The following GRIP1 variants were observed in gnomAD, a reference collection of about 807,000 sequenced individuals.
GRIP1 encodes the protein glutamate receptor interacting protein 1.
Under a neutral mutation model 129.9 loss-of-function variants are expected in GRIP1, and 45 were observed. The ratio of observed to expected loss-of-function variants is 0.35; its 90% confidence interval spans 0.27 to 0.44. The LOEUF (loss-of-function observed/expected upper bound fraction) is 0.44, where lower values mean the gene tolerates loss of function less well. GRIP1 is among the 20% of genes least tolerant of loss of function. The pLI is 1.00. For missense variants in GRIP1, 1,196 were observed against 1,396.8 expected (o/e 0.86, Z 2.29); for synonymous variants, 530 against 520.8 (o/e 1.02, Z -0.24).
chr12:66,533,885 A>ACTCTCTCTCTCT (rs201892079), intron 4 of GRIP1, among the ~76,000 whole-genome samples: 15 of 129,566 alleles, frequency 1.2e-4, no homozygotes, highest in Non-Finnish European at 2.3e-4. Context: ...ACACATACAC[A>ACTCTCTCTCTCT]CACTCTCTCT....
chr12:66,973,608 A>G (rs983656049), intron 1 of GRIP1, among the ~76,000 whole-genome samples: 5 of 152,094 alleles, frequency 3.3e-5, no homozygotes, highest in African/African-American at 9.7e-5. Flanking sequence ...CTCTGCCAGT[A>G]TTTATCCTAT....
chr12:66,770,825 G>C (rs376783432), intron 1 of GRIP1, among the ~76,000 whole-genome samples: 11 of 152,184 alleles, frequency 7.2e-5, no homozygotes, highest in African/African-American at 2.7e-4. Flanking sequence ...GCGGGGTGCA[G>C]TGGCTCATGC....
At chr12:66,448,887 A>G (rs2058701647) in intron 11 of GRIP1, among the ~76,000 whole-genome samples, 7 of 152,148 alleles carry the variant, frequency 4.6e-5, no homozygotes, top group Admixed American at 2.6e-4. Context: ...TGTTTCCTAT[A>G]GAACAAACTT....
chr12:66,532,229 A>G (rs1198286819), intron 4 of GRIP1, among the ~76,000 whole-genome samples: 1 of 152,154 alleles, frequency 6.6e-6, no homozygotes, highest in African/African-American at 2.4e-5. Context: ...CTGGCTCTTC[A>G]TGATTGGGTT....
chr12:66,577,394 T>C (rs2063177094), intron 2 of GRIP1, among the ~76,000 whole-genome samples: 1 of 152,190 alleles, frequency 6.6e-6, no homozygotes, highest in African/African-American at 2.4e-5. Context: ...GAGTTTCCAA[T>C]AGTGAAAGTA....
chr12:67,055,256 C>G (rs951938973), intron 1 of GRIP1, among the ~76,000 whole-genome samples: 1 of 152,168 alleles, frequency 6.6e-6, no homozygotes, highest in African/African-American at 2.4e-5. Flanking sequence ...CGACCCTGGT[C>G]ATGCTGGAGA....
chr12:66,939,178 A>C (rs12820762), intron 1 of GRIP1, among the ~76,000 whole-genome samples: 29,297 of 151,828 alleles, frequency 0.19, 3,260 homozygotes, highest in South Asian at 0.26. Context: ...TGGATGAATA[A>C]GTTGTCAGGT....
intron 1 of GRIP1, among the ~76,000 whole-genome samples, chr12:66,824,147 A>G (rs994020278): frequency 6.6e-6 from 1 of 152,166 alleles, no homozygotes; most frequent in African/African-American, 2.4e-5. Flanking sequence ...GGATTTTTGA[A>G]AAGGTGGGTG....
At chr12:66,506,219 C>A (rs149500378) in intron 7 of GRIP1, among the ~76,000 whole-genome samples, 1 of 152,032 alleles carries the variant, frequency 6.6e-6, no homozygotes, top group Non-Finnish European at 1.5e-5. Flanking sequence ...TACATATGTT[C>A]CCCAAAAGAC....
chr12:66,544,923 T>C (rs2061902008), intron 2 of GRIP1, among the ~76,000 whole-genome samples: 1 of 152,196 alleles, frequency 6.6e-6, no homozygotes, highest in South Asian at 2.1e-4. Flanking sequence ...AGTTCACTTA[T>C]ATATCAAGGC....
At chr12:66,564,367 A>C (rs1403436422) in intron 2 of GRIP1, among the ~76,000 whole-genome samples, 1 of 147,176 alleles carries the variant, frequency 6.8e-6, no homozygotes, top group African/African-American at 2.5e-5. Context: ...ATGAGTGAGA[A>C]GATGTAGTGT....
At chr12:66,930,217 T>C (rs1268988863) in intron 1 of GRIP1, among the ~76,000 whole-genome samples, 1 of 148,448 alleles carries the variant, frequency 6.7e-6, no homozygotes, top group African/African-American at 2.5e-5. Flanking sequence ...TAACTCGTCA[T>C]CTAGCATTAG....
intron 1 of GRIP1, among the ~76,000 whole-genome samples, chr12:66,810,746 T>TA (rs1008082410): frequency 2.0e-5 from 3 of 152,126 alleles, no homozygotes; most frequent in Non-Finnish European, 2.9e-5. Context: ...AAAAAATACT[T>TA]ACTATGTTTA....
At chr12:66,594,067 CAAAAA>C (rs10661389) in intron 2 of GRIP1, among the ~76,000 whole-genome samples, 2 of 52,930 alleles carry the variant, frequency 3.8e-5, no homozygotes, top group Non-Finnish European at 6.3e-5. Flanking sequence ...GACTCCGTCT[CAAAAA>C]AAAAAAAAAA....
intron 1 of GRIP1, among the ~76,000 whole-genome samples, chr12:66,916,847 C>T (rs1814225245): frequency 6.6e-6 from 1 of 152,078 alleles, no homozygotes; most frequent in Admixed American, 6.5e-5. Context: ...TTTACCCTAC[C>T]TAGAGGCCTG....
rs184332194 is a variant in GRIP1, at chr12:66,941,159, G to A, written c.58+127891C>T. ...AATGAGACTGTATATTAATTCATGTGATTAAAAAAAAAAACTCCATTCAGG... is the reference window on the plus strand; with the variant it reads ...AATGAGACTGTATATTAATTCATGTAATTAAAAAAAAAAACTCCATTCAGG... On this transcript the variant is annotated intron_variant, in intron 1 of 1. Transcript: ENST00000643019. Among the ~76,000 whole-genome samples the A allele has an allele frequency of 5.6e-4, 81 of 144,158 alleles. No homozygotes were observed. In the East Asian group the frequency reaches 0.015, roughly 26 times the overall value. 94.6% of individuals were successfully genotyped at this position (144,158 alleles called of 152,430 possible). A position where few individuals can be genotyped will look rare whatever the true frequency, so the allele number is the denominator to read the frequency against.
chr12:66,381,416 C>T (rs1204921745), intron 19 of GRIP1, among the ~76,000 whole-genome samples: 3 of 152,338 alleles, frequency 2.0e-5, no homozygotes, highest in East Asian at 3.9e-4. Flanking sequence ...GATGGACTAA[C>T]CATTTTCCCC....
At chr12:66,937,028 C>A (rs1176463563) in intron 1 of GRIP1, among the ~76,000 whole-genome samples, 3 of 152,052 alleles carry the variant, frequency 2.0e-5, no homozygotes, top group Non-Finnish European at 4.4e-5. Flanking sequence ...GGAGGAAAAA[C>A]CAATTATCAC....
At chr12:66,877,316 G>A (rs1443666125) in intron 1 of GRIP1, among the ~76,000 whole-genome samples, 2 of 152,014 alleles carry the variant, frequency 1.3e-5, no homozygotes, top group Admixed American at 1.3e-4. Flanking sequence ...TTGTATTTCA[G>A]TCAGGGTGTT....
Sources: allele counts gnomAD v4.1 joint callset (sites outside exome capture counted in the v4.1 genomes callset), GRCh38; gene constraint gnomAD v4.1.1; transcripts MANE v1.5; gene names NCBI Gene and HGNC (gene_info 2026-07-23, HGNC 2026-07-21).